Variants in CPS1 observed in about 807,000 individuals in gnomAD.
CPS1 encodes carbamoyl-phosphate synthase [ammonia], mitochondrial.
In CPS1, 109 loss-of-function variants were observed where a neutral mutation model predicts 174.6. The ratio of observed to expected loss-of-function variants is 0.62; its 90% CI spans 0.53 to 0.73. The LOEUF (loss-of-function observed/expected upper bound fraction) is 0.73, where lower values mean the gene tolerates loss of function less well. Among genes scored for constraint, CPS1 ranks in the 30% least tolerant of loss-of-function variants. The pLI is 0.00. For synonymous variants in CPS1, 637 were observed against 632.0 expected, an observed-to-expected ratio of 1.01 and a Z score of -0.12; for missense variants, 1,689 against 1,821.9, an observed-to-expected ratio of 0.93 and a Z score of 1.33.
At chr2:210,614,488 G>C (rs1699235661) in intron 20 of CPS1, among the ~76,000 whole-genome samples, 1 of 151,944 alleles carries the variant, frequency 6.6e-6, no homozygotes. Flanking sequence ...GTCTTTCACA[G>C]TGGTTGAACT....
chr2:210,525,776 AG>A (rs1210701316), intron 1 of CPS1, among the ~76,000 whole-genome samples: 1 of 150,264 alleles, frequency 6.7e-6, no homozygotes, highest in African/African-American at 2.5e-5. Flanking sequence ...CAGGTGGAGT[AG>A]GAGTAGTACA....
chr2:210,643,841 C>T (rs1700297513), intron 25 of CPS1, among the ~76,000 whole-genome samples: 1 of 152,014 alleles, frequency 6.6e-6, no homozygotes, highest in African/African-American at 2.4e-5. Flanking sequence ...CCTTAATATT[C>T]ATTTGAGATA....
chr2:210,572,288 A>G (rs1473144532), intron 1 of CPS1, among the ~76,000 whole-genome samples: 1 of 152,038 alleles, frequency 6.6e-6, no homozygotes, highest in Non-Finnish European at 1.5e-5. Context: ...TCAAATATCA[A>G]TTTATGATTC....
At chr2:210,593,408 G>C (rs2106114185) in intron 11 of CPS1, 1 of 1,063,174 alleles carries the variant, frequency 9.4e-7, no homozygotes, top group African/African-American at 1.7e-5. Context: ...GGGTGTTGGA[G>C]GGGAGAGAGG....
chr2:210,497,852 T>C (rs1263818930), intron 1 of CPS1, among the ~76,000 whole-genome samples: 2 of 143,766 alleles, frequency 1.4e-5, no homozygotes, highest in South Asian at 2.2e-4. Flanking sequence ...GCAATAAATA[T>C]GTGCATGCAT....
chr2:210,582,779 C>A, intron 6 of CPS1, 70 bp downstream of exon 6: 1 of 1,213,374 alleles, frequency 8.2e-7, no homozygotes, highest in Non-Finnish European at 1.2e-6. Flanking sequence ...ATATCAAAAT[C>A]TTTATTTAGG....
intron 20 of CPS1, among the ~76,000 whole-genome samples, chr2:210,613,127 A>ATG (rs1227988368): frequency 6.6e-6 from 1 of 151,878 alleles, no homozygotes; most frequent in Non-Finnish European, 1.5e-5. Flanking sequence ...ATGTGTGTGC[A>ATG]TGTGGGATGA....
At position 210,678,683 on chromosome 2, in the gene CPS1, C is replaced by G. The variant is rs916122180; in HGVS notation, c.*698C>G. The G allele has an allele frequency of 1.3e-5, 2 of 152,988 alleles. No individual in the cohort carries two copies. Among genetic ancestry groups the G allele is most frequent in the African/African-American group, 4.8e-5 (2 of 41,446 alleles). 9.5% of individuals were successfully genotyped at this position (152,988 alleles called of 1,614,324 possible). On this transcript the variant is annotated 3_prime_UTR_variant, in exon 38 of 38. Transcript: ENST00000233072. The stretch of plus-strand genomic sequence containing the variant: ...TCTCGGCTCACTGCAATTTCCGTCT[C>G]CCAAGTTCAAGCGATTCTCCTGCTT...
chr2:210,565,905 G>C (rs1180821758), intron 1 of CPS1, among the ~76,000 whole-genome samples: 1 of 152,126 alleles, frequency 6.6e-6, no homozygotes, highest in East Asian at 1.9e-4. Flanking sequence ...TGATGTTTGG[G>C]GAGCATGCTC....
chr2:210,597,257 T>C (rs944632432), intron 13 of CPS1, among the ~76,000 whole-genome samples: 3 of 151,910 alleles, frequency 2.0e-5, no homozygotes, highest in Non-Finnish European at 2.9e-5. Context: ...CCTGTTTGTA[T>C]CTTCCTGACA....
chr2:210,674,034 C>T (rs1254774139), intron 34 of CPS1: 5 of 152,150 alleles, frequency 3.3e-5, no homozygotes, highest in Admixed American at 3.3e-4. Flanking sequence ...GACTTTAGAG[C>T]TCATTCTTTA....
intron 1 of CPS1, among the ~76,000 whole-genome samples, chr2:210,540,349 C>T (rs1218030018): frequency 1.3e-5 from 2 of 152,138 alleles, no homozygotes; most frequent in African/African-American, 4.8e-5. Flanking sequence ...AACATTCATG[C>T]ATTTAAATAT....
At chr2:210,498,179 AT>A (rs1288372337) in intron 1 of CPS1, among the ~76,000 whole-genome samples, 1 of 151,488 alleles carries the variant, frequency 6.6e-6, no homozygotes, top group East Asian at 1.9e-4. Flanking sequence ...TATGTGGAGC[AT>A]TTTTTCATGT....
chr2:210,556,797 A>G lies in CPS1; in HGVS notation c.64A>G (p.Asn22Asp), dbSNP rs1696926949. Residue 22 changes from asparagine (N) to aspartate (D), a missense_variant, in exon 1 of 38, where the codon AAT (asparagine) becomes GAT (aspartate). Asn to Asp is a conservative substitution (Grantham distance 23). Transcript: ENST00000233072. Reference sequence around the variant, plus strand: ...ACTGAAGACTGGTTTTGGCTTTACCAATGTGACTGCACACCAAAAATGGAA... The same window carrying G: ...ACTGAAGACTGGTTTTGGCTTTACCGATGTGACTGCACACCAAAAATGGAA... ...RTLKTGFGFT[N>D]VTAHQKWKFS... is the part of the protein sequence containing the mutation. 1.2e-6 allele frequency: 2 copies of G among 1,613,090 alleles called. No individual in the cohort carries two copies. The highest frequency in any genetic ancestry group is 8.5e-7 in the Non-Finnish European group (1 of 1,179,430).
rs767979878 is a variant in CPS1, at chr2:210,660,633, C to T, written c.3905C>T (p.Pro1302Leu). 1 of 1,614,112 alleles carries T rather than the reference C, an allele frequency of 6.2e-7. No individual in the cohort carries two copies. Among genetic ancestry groups the T allele is most frequent in the Non-Finnish European group, 8.5e-7 (1 of 1,179,980 alleles). Residue 1302 changes from proline (P) to leucine (L), a missense_variant, in exon 32 of 38, where the codon CCT becomes CTT. Pro to Leu is a moderately conservative substitution (Grantham distance 98). Transcript: ENST00000233072. ...HLPTLDHPIIPADYVAIKAPM... is the reference protein window; with the variant it reads ...HLPTLDHPIILADYVAIKAPM... ...CCAACATTGGACCATCCCATAATTC[C>T]TGCTGACTATGTTGCAATTAAGGTA...
intron 11 of CPS1, chr2:210,593,789 A>C (rs1307261696): frequency 5.8e-6 from 3 of 513,728 alleles, no homozygotes; most frequent in Non-Finnish European, 7.5e-6. Context: ...ATTATTAGGA[A>C]ATATTGGTTC....
At chr2:210,562,673 G>A in intron 1 of CPS1, among the ~76,000 whole-genome samples, 2 of 152,036 alleles carry the variant, frequency 1.3e-5, no homozygotes. Context: ...AGAAACATCA[G>A]GTAAGCCAGA....
intron 1 of CPS1, among the ~76,000 whole-genome samples, chr2:210,528,257 T>A (rs989785390): frequency 6.6e-6 from 1 of 151,876 alleles, no homozygotes; most frequent in South Asian, 2.1e-4. Flanking sequence ...AAACAGAAAC[T>A]TTTTTAGTGA....
At chr2:210,556,540 G>T, upstream of CPS1, 3 of 1,474,496 alleles carry the variant, frequency 2.0e-6, no homozygotes, top group East Asian at 2.5e-5. Flanking sequence ...CAGGAGGAGG[G>T]GTTAAGAGAA....
Sources: gnomAD v4.1 joint callset for allele counts (sites outside exome capture counted in the v4.1 genomes callset) on GRCh38, gnomAD v4.1.1 for gene constraint, MANE v1.5 for transcripts, NCBI Gene and HGNC (gene_info 2026-07-23, HGNC 2026-07-21) for gene names.